Variants in EPHX4 observed in about 807,000 individuals in gnomAD.
EPHX4 encodes epoxide hydrolase 4.
EPHX4 carries 31 observed loss-of-function variants against 44.9 expected under a neutral mutation model. The ratio of observed to expected loss-of-function variants is 0.69; its 90% CI spans 0.52 to 0.93. The LOEUF (loss-of-function observed/expected upper bound fraction) is 0.93, where lower values mean the gene tolerates loss of function less well. Ranked by LOEUF, EPHX4 falls within the 40% of genes least tolerant of loss-of-function variation. EPHX4 has a pLI of 0.00. For synonymous variants in EPHX4, 151 were observed against 159.7 expected, an observed-to-expected ratio of 0.95 and a Z score of 0.41; for missense variants, 373 against 438.1, an observed-to-expected ratio of 0.85 and a Z score of 1.33.
At chr1:92,044,957 C>A in intron 3 of EPHX4, among the ~76,000 whole-genome samples, 1 of 151,978 alleles carries the variant, frequency 6.6e-6, no homozygotes, top group Non-Finnish European at 1.5e-5. Flanking sequence ...TACCCCCCCA[C>A]ACTTTTTTTC....
At chr1:92,054,960 A>G (rs1647330594) in intron 6 of EPHX4, among the ~76,000 whole-genome samples, 1 of 152,142 alleles carries the variant, frequency 6.6e-6, no homozygotes, top group African/African-American at 2.4e-5. Flanking sequence ...TGTAATTTTT[A>G]TGGAGGATAG....
chr1:92,057,436 C>A (rs889741468), intron 6 of EPHX4, among the ~76,000 whole-genome samples: 9 of 151,966 alleles, frequency 5.9e-5, no homozygotes, highest in Non-Finnish European at 1.3e-4. Flanking sequence ...ACAAAACAGG[C>A]AATTTTTAAG....
chr1:92,040,042 G>A (rs745379608), intron 2 of EPHX4, among the ~76,000 whole-genome samples: 5 of 151,980 alleles, frequency 3.3e-5, no homozygotes, highest in Non-Finnish European at 7.4e-5. Flanking sequence ...CATCTTAGTT[G>A]GCAATGCTTT....
At chr1:92,043,846 A>T (rs1023041) in intron 3 of EPHX4, 31,050 of 152,032 alleles carry the variant, frequency 0.2, 3,589 homozygotes, top group Middle Eastern at 0.27. Context: ...TTTCCTGGCG[A>T]TGGTAGAGGG....
chr1:92,040,342 ATTTT>A (rs11316919), intron 2 of EPHX4, among the ~76,000 whole-genome samples: 4 of 121,062 alleles, frequency 3.3e-5, no homozygotes, highest in Non-Finnish European at 3.5e-5. Context: ...TACTTAGCAA[ATTTT>A]TTTTTTTTTT....
intron 4 of EPHX4, among the ~76,000 whole-genome samples, chr1:92,048,696 C>T (rs1688616003): frequency 6.6e-6 from 1 of 151,940 alleles, no homozygotes; most frequent in South Asian, 2.1e-4. Context: ...AGTACTCAAG[C>T]ATAGACTTTT....
At chr1:92,047,238 C>T (rs956516321) in intron 4 of EPHX4, among the ~76,000 whole-genome samples, 7 of 152,116 alleles carry the variant, frequency 4.6e-5, no homozygotes, top group Admixed American at 4.6e-4. Flanking sequence ...AATAATGTTA[C>T]ATTTAAAAAT....
Position 92,050,372 on chromosome 1 carries a change from C to G in EPHX4, c.660C>G (p.Phe220Leu), listed in dbSNP as rs769575792. 5 of 1,605,122 alleles carry G rather than the reference C, an allele frequency of 3.1e-6. No individual in the cohort carries two copies. The highest frequency in any genetic ancestry group is 4.3e-6 in the Non-Finnish European group (5 of 1,176,260). ...TGAAATCCAGTTATTATTACTTCTTCCAAATACCATGGTTCCCAGAATTTA... is the reference window on the plus strand; with the variant it reads ...TGAAATCCAGTTATTATTACTTCTTGCAAATACCATGGTTCCCAGAATTTA... The part of the protein sequence containing the change: ...QLLKSSYYYF[F>L]QIPWFPEFMF... The change falls in exon 5 of 7, where the codon TTC becomes TTG. Residue 220 changes from phenylalanine to leucine, a missense_variant. Phe to Leu is a conservative substitution (Grantham distance 22, BLOSUM62 0). Transcript: ENST00000370383.
At chr1:92,057,890 C>T (rs567465487) in intron 6 of EPHX4, among the ~76,000 whole-genome samples, 107 of 152,078 alleles carry the variant, frequency 7.0e-4, no homozygotes, top group Non-Finnish European at 9.7e-4. Context: ...TGTGAACCAC[C>T]GGCACCCGGC....
intron 4 of EPHX4, among the ~76,000 whole-genome samples, chr1:92,047,631 A>T (rs1393014891): frequency 3.9e-5 from 6 of 152,148 alleles, no homozygotes; most frequent in Non-Finnish European, 8.8e-5. Flanking sequence ...CACTTAATTA[A>T]ATGTAATTAA....
intron 4 of EPHX4, among the ~76,000 whole-genome samples, chr1:92,046,435 A>G (rs1215276393): frequency 6.6e-6 from 1 of 152,134 alleles, no homozygotes; most frequent in East Asian, 1.9e-4. Flanking sequence ...ATACTATACC[A>G]AACTTAAAAA....
At chr1:92,052,716 AAT>A (rs917162127) in intron 6 of EPHX4, 58 bp downstream of exon 6, 2 of 1,420,002 alleles carry the variant, frequency 1.4e-6, no homozygotes, top group African/African-American at 3.0e-5. Flanking sequence ...CTACAGGGAC[AAT>A]ATTTTATTTT....
chr1:92,040,811 C>A (rs1477266031), intron 2 of EPHX4, among the ~76,000 whole-genome samples: 1 of 152,018 alleles, frequency 6.6e-6, no homozygotes, highest in Non-Finnish European at 1.5e-5. Flanking sequence ...TCGCAGCCCC[C>A]CTCTCAGGCT....
At chr1:92,052,719 AT>A in intron 6 of EPHX4, 61 bp downstream of exon 6, 6 of 1,414,150 alleles carry the variant, frequency 4.2e-6, no homozygotes, top group Non-Finnish European at 5.7e-6. Flanking sequence ...CAGGGACAAT[AT>A]TTTATTTTTA....
At chr1:92,053,348 G>A (rs574956523) in intron 6 of EPHX4, among the ~76,000 whole-genome samples, 6 of 152,242 alleles carry the variant, frequency 3.9e-5, no homozygotes, top group Admixed American at 3.3e-4. Flanking sequence ...AGCACAGAAA[G>A]TAAGGGTAAG....
chr1:92,048,246 G>C (rs1405075721), intron 4 of EPHX4, among the ~76,000 whole-genome samples: 1 of 152,150 alleles, frequency 6.6e-6, no homozygotes, highest in Non-Finnish European at 1.5e-5. Context: ...GGATGCTTAG[G>C]ATTCAAATGT....
chr1:92,054,409 C>T (rs913246159), intron 6 of EPHX4, among the ~76,000 whole-genome samples: 4 of 151,760 alleles, frequency 2.6e-5, no homozygotes, highest in African/African-American at 9.7e-5. Context: ...GCCAACATGG[C>T]GAAACCCTGT....
chr1:92,043,429 T>C (rs997939591), intron 3 of EPHX4: 1 of 141,028 alleles, frequency 7.1e-6, no homozygotes, highest in African/African-American at 2.7e-5. Context: ...CACTCCAACC[T>C]GGGCAACAAG....
chr1:92,059,820 G>C (rs1360518827), intron 6 of EPHX4, among the ~76,000 whole-genome samples: 1 of 151,876 alleles, frequency 6.6e-6, no homozygotes, highest in East Asian at 1.9e-4. Context: ...TAAAGAATAT[G>C]GGCTTAGAGC....
Sources: gnomAD v4.1 joint callset for allele counts (sites outside exome capture counted in the v4.1 genomes callset) on GRCh38, gnomAD v4.1.1 for gene constraint, MANE v1.5 for transcripts, NCBI Gene and HGNC (gene_info 2026-07-23, HGNC 2026-07-21) for gene names.